STAG1: variants seen among roughly 807,000 people sequenced by gnomAD.
The protein encoded by STAG1 is STAG1 cohesin complex component.
A neutral mutation model predicts 170.9 loss-of-function variants in STAG1; 26 were observed. The ratio of observed to expected loss-of-function variants is 0.15; its 90% CI spans 0.11 to 0.21. The LOEUF (loss-of-function observed/expected upper bound fraction) is 0.21. STAG1 is among the 10% of genes least tolerant of loss of function. The pLI is 1.00. For missense variants in STAG1, 964 were observed against 1,509.5 expected (o/e 0.64, Z 5.99); for synonymous variants, 514 against 497.7 (o/e 1.03, Z -0.44).
At position 136,521,337 on chromosome 3, in the gene STAG1, G is replaced by T. The variant is rs1934659977; in HGVS notation, c.552C>A (p.Val184=). Residue 184 remains valine, a synonymous_variant, in exon 7 of 34, where the codon GTC becomes GTA. Transcript: ENST00000383202. The part of the protein sequence containing the change: ...FRSNFCEFIG[V]LIRQCQYSII... ...TGCTATACTGACACTGTCGAATCAG[G>T]ACTCCAATAAATTCACAAAAGTTTG... 1.9e-6 allele frequency: 3 copies of T among 1,613,600 alleles called. No homozygotes were observed. Among genetic ancestry groups the T allele is most frequent in the South Asian group, 1.1e-5 (1 of 91,072 alleles).
chr3:136,461,842 C>T (rs1335766532), intron 13 of STAG1, among the ~76,000 whole-genome samples: 6 of 152,032 alleles, frequency 3.9e-5, no homozygotes, highest in Non-Finnish European at 8.8e-5. Flanking sequence ...ACTCAAACAA[C>T]CCCTTAGCAA....
chr3:136,560,128 C>G (rs1321147845), intron 5 of STAG1, among the ~76,000 whole-genome samples: 1 of 152,128 alleles, frequency 6.6e-6, no homozygotes, highest in African/African-American at 2.4e-5. Flanking sequence ...GTGATTAATT[C>G]TCTGGCAATT....
At chr3:136,452,723 T>C (rs1372589041) in intron 13 of STAG1, among the ~76,000 whole-genome samples, 1 of 152,170 alleles carries the variant, frequency 6.6e-6, no homozygotes, top group African/African-American at 2.4e-5. Flanking sequence ...TGTTCAAATA[T>C]GTGTGAAAAT....
intron 3 of STAG1, among the ~76,000 whole-genome samples, chr3:136,615,504 G>T (rs1377192129): frequency 6.6e-6 from 1 of 151,154 alleles, no homozygotes; most frequent in Non-Finnish European, 1.5e-5. Context: ...TTCGTGGCCG[G>T]TCGGTGGCTC....
At chr3:136,611,272 C>A (rs780827576) in intron 3 of STAG1, among the ~76,000 whole-genome samples, 8 of 152,058 alleles carry the variant, frequency 5.3e-5, no homozygotes, top group Non-Finnish European at 1.0e-4. Flanking sequence ...GCCTCAGACT[C>A]CCAAGTAGCT....
At chr3:136,459,234 A>G (rs1292189594) in intron 13 of STAG1, among the ~76,000 whole-genome samples, 1 of 151,378 alleles carries the variant, frequency 6.6e-6, no homozygotes, top group African/African-American at 2.4e-5. Context: ...AAAAAAAAAA[A>G]AAGAAAAGAA....
intron 32 of STAG1, among the ~76,000 whole-genome samples, chr3:136,340,098 G>A (rs889301425): frequency 3.3e-5 from 5 of 152,218 alleles, no homozygotes; most frequent in Admixed American, 6.5e-5. Flanking sequence ...TTGTTGATCA[G>A]TGTCACCTCC....
intron 5 of STAG1, among the ~76,000 whole-genome samples, chr3:136,544,519 T>TC (rs1936058045): frequency 6.6e-6 from 1 of 152,042 alleles, no homozygotes; most frequent in South Asian, 2.1e-4. Flanking sequence ...TACCAGCACT[T>TC]TGGGAGGTTG....
intron 21 of STAG1, among the ~76,000 whole-genome samples, chr3:136,404,329 G>A (rs373290265): frequency 3.8e-4 from 58 of 152,192 alleles, no homozygotes; most frequent in African/African-American, 1.3e-3. Flanking sequence ...CTGTTTCCAT[G>A]AGGAAATGGT....
At chr3:136,491,520 T>C (rs1559837610) in intron 9 of STAG1, among the ~76,000 whole-genome samples, 1 of 152,200 alleles carries the variant, frequency 6.6e-6, no homozygotes, top group African/African-American at 2.4e-5. Context: ...TGTTTTTACA[T>C]CCCCTGGTTC....
intron 1 of STAG1, among the ~76,000 whole-genome samples, chr3:136,729,570 CTTTTTTT>C (rs34078029): frequency 1.2e-4 from 11 of 94,636 alleles, no homozygotes; most frequent in South Asian, 1.1e-3. Context: ...TGTAGTTTTC[CTTTTTTT>C]TTTTTTTTTT....
At chr3:136,444,005 G>A (rs2088705714) in intron 14 of STAG1, among the ~76,000 whole-genome samples, 1 of 151,650 alleles carries the variant, frequency 6.6e-6, no homozygotes, top group Non-Finnish European at 1.5e-5. Flanking sequence ...AACAAACATA[G>A]TTAAGGTCTT....
intron 22 of STAG1, among the ~76,000 whole-genome samples, chr3:136,385,306 G>C (rs1023339939): frequency 6.6e-6 from 1 of 151,962 alleles, no homozygotes; most frequent in Non-Finnish European, 1.5e-5. Flanking sequence ...CAGGTGTGGT[G>C]ACATGCACCT....
intron 1 of STAG1, among the ~76,000 whole-genome samples, chr3:136,642,827 C>A (rs1005321854): frequency 6.6e-6 from 1 of 152,166 alleles, no homozygotes; most frequent in Non-Finnish European, 1.5e-5. Flanking sequence ...CCTGAAGCCT[C>A]TAGGGGAGGA....
intron 23 of STAG1, among the ~76,000 whole-genome samples, chr3:136,374,859 C>T (rs1256448861): frequency 5.9e-5 from 9 of 152,138 alleles, no homozygotes; most frequent in African/African-American, 1.2e-4. Context: ...TTCCTATTCA[C>T]TCACCAATCA....
chr3:136,340,604 G>T lies in STAG1; in HGVS notation c.3559C>A (p.Arg1187=). The change falls in exon 32 of 34, where the codon CGG becomes AGG. Residue 1187 remains arginine (R), a splice_region_variant and synonymous_variant. Transcript: ENST00000383202. ...KVRTGVRHAV[R]GLMEEDAEPI... ...TCAGCATCTTCCTCCATTAGACCCC[G>T]ACTGGTAAGAAAAAGGTATTGTCAG... 1 of 1,600,020 alleles carries T rather than the reference G, an allele frequency of 6.2e-7. No individual in the cohort carries two copies. The highest frequency in any genetic ancestry group is 8.6e-7 in the Non-Finnish European group (1 of 1,167,212).
chr3:136,714,258 A>C (rs1193930393), intron 1 of STAG1, among the ~76,000 whole-genome samples: 2 of 152,180 alleles, frequency 1.3e-5, no homozygotes, highest in Non-Finnish European at 2.9e-5. Context: ...GTCAAACCAC[A>C]GTATTTAGCA....
At chr3:136,520,828 C>G (rs976028239) in intron 7 of STAG1, among the ~76,000 whole-genome samples, 1 of 152,004 alleles carries the variant, frequency 6.6e-6, no homozygotes, top group Admixed American at 6.6e-5. Flanking sequence ...ACCCACTTAT[C>G]TATAATAATA....
chr3:136,349,039 A>C, intron 29 of STAG1, 119 bp downstream of exon 29: 5 of 784,176 alleles, frequency 6.4e-6, no homozygotes, highest in Non-Finnish European at 1.0e-5. Context: ...TCTCATTGTG[A>C]ATAAAATATA....
Sources: allele counts gnomAD v4.1 joint callset (sites outside exome capture counted in the v4.1 genomes callset), GRCh38; gene constraint gnomAD v4.1.1; transcripts MANE v1.5; gene names NCBI Gene and HGNC (gene_info 2026-07-23, HGNC 2026-07-21).